Variants in NTRK2 observed in about 807,000 individuals in gnomAD.
NTRK2 encodes neurotrophic receptor tyrosine kinase 2.
Under a neutral mutation model 94.5 loss-of-function variants are expected in NTRK2, and 13 were observed. That is an observed-to-expected ratio of 0.14 (90% CI 0.09 to 0.22). The LOEUF is 0.22. Ranked by LOEUF, NTRK2 falls within the 10% of genes least tolerant of loss-of-function variation. The pLI is 1.00. For synonymous variants in NTRK2, 372 were observed against 407.4 expected (o/e 0.91, Z 1.05); for missense variants, 639 against 1,071.2 (o/e 0.60, Z 5.63).
intron 14 of NTRK2, among the ~76,000 whole-genome samples, chr9:84,926,161 C>CCTTCCTTCCTTCCTTT (rs2077783516): frequency 1.6e-5 from 1 of 63,780 alleles, no homozygotes; most frequent in African/African-American, 5.7e-5. Context: ...TTCCTTCCTT[C>CCTTCCTTCCTTCCTTT]CTTCCTTCCT....
intron 12 of NTRK2, among the ~76,000 whole-genome samples, chr9:84,846,985 C>A (rs1041244973): frequency 1.3e-5 from 2 of 152,226 alleles, no homozygotes; most frequent in Admixed American, 6.5e-5. Flanking sequence ...ACAACAGACA[C>A]AAACAGGCAG....
chr9:84,921,756 C>T (rs1393147868), intron 14 of NTRK2, among the ~76,000 whole-genome samples: 2 of 152,174 alleles, frequency 1.3e-5, no homozygotes, highest in Non-Finnish European at 2.9e-5. Flanking sequence ...ATAGTGCAAG[C>T]TAAATCCTCC....
intron 12 of NTRK2, chr9:84,813,016 A>G: frequency 9.7e-7 from 1 of 1,036,010 alleles, no homozygotes; most frequent in Non-Finnish European, 1.2e-6. Flanking sequence ...ACTCTAGACC[A>G]CCCCTTTTCA....
At chr9:84,739,097 C>A (rs144614306) in intron 9 of NTRK2, among the ~76,000 whole-genome samples, 1 of 152,116 alleles carries the variant, frequency 6.6e-6, no homozygotes. Flanking sequence ...GTTGCCCAGG[C>A]TGGAGTGCAG....
chr9:85,018,310 A>G (rs1832454166), intron 17 of NTRK2, among the ~76,000 whole-genome samples: 1 of 152,240 alleles, frequency 6.6e-6, no homozygotes, highest in African/African-American at 2.4e-5. Flanking sequence ...GGCTTCAGAG[A>G]ATGGCAAGGA....
At chr9:84,942,411 T>G (rs533728812) in intron 15 of NTRK2, among the ~76,000 whole-genome samples, 1 of 152,338 alleles carries the variant, frequency 6.6e-6, no homozygotes, top group Non-Finnish European at 1.5e-5. Flanking sequence ...GGTTAATCAT[T>G]GCCTGTAACA....
intron 2 of NTRK2, among the ~76,000 whole-genome samples, chr9:84,683,137 A>G (rs557596443): frequency 6.6e-6 from 1 of 152,172 alleles, no homozygotes; most frequent in Admixed American, 6.5e-5. Context: ...TTGCAGGAAA[A>G]TTGCAAGATA....
At chr9:84,909,566 C>T (rs1396333806) in intron 14 of NTRK2, among the ~76,000 whole-genome samples, 1 of 151,924 alleles carries the variant, frequency 6.6e-6, no homozygotes, top group Non-Finnish European at 1.5e-5. Flanking sequence ...ATGAGTGATC[C>T]TGTTTCTCCA....
intron 14 of NTRK2, among the ~76,000 whole-genome samples, chr9:84,926,131 T>A (rs951603964): frequency 1.9e-5 from 1 of 53,090 alleles, no homozygotes; most frequent in African/African-American, 5.6e-5. Flanking sequence ...CCTTCCTTCC[T>A]TCCTTCCTTC....
chr9:84,765,268 G>A (rs1357134679), intron 12 of NTRK2, among the ~76,000 whole-genome samples: 1 of 152,128 alleles, frequency 6.6e-6, no homozygotes, highest in Non-Finnish European at 1.5e-5. Context: ...TCTTCATGAT[G>A]TGCTTATTTC....
intron 12 of NTRK2, among the ~76,000 whole-genome samples, chr9:84,820,576 C>T (rs781719779): frequency 3.3e-5 from 5 of 152,102 alleles, no homozygotes; most frequent in African/African-American, 9.7e-5. Flanking sequence ...TTTAACTTTT[C>T]GTTAATTTTT....
chr9:84,885,487 G>T (rs1316630994), intron 14 of NTRK2, among the ~76,000 whole-genome samples: 1 of 152,140 alleles, frequency 6.6e-6, no homozygotes, highest in Non-Finnish European at 1.5e-5. Context: ...CACATAAAAT[G>T]AATGTGTAGC....
intron 12 of NTRK2, chr9:84,814,420 A>G (rs1391533334): frequency 9.4e-6 from 10 of 1,065,646 alleles, no homozygotes; most frequent in Non-Finnish European, 1.1e-5. Context: ...TTTTCTCTTT[A>G]TTTCTTTAGA....
intron 12 of NTRK2, among the ~76,000 whole-genome samples, chr9:84,787,482 A>T (rs2068243770): frequency 6.6e-6 from 1 of 152,198 alleles, no homozygotes; most frequent in African/African-American, 2.4e-5. Flanking sequence ...TTAGGATGAC[A>T]TGAACTGATC....
intron 12 of NTRK2, among the ~76,000 whole-genome samples, chr9:84,834,267 T>A (rs964453270): frequency 4.3e-4 from 66 of 152,230 alleles, no homozygotes; most frequent in African/African-American, 1.5e-3. Context: ...TAAAAAATTA[T>A]TTCTTCTTTG....
At chr9:84,942,084 A>G (rs1207018706) in intron 15 of NTRK2, among the ~76,000 whole-genome samples, 1 of 152,070 alleles carries the variant, frequency 6.6e-6, no homozygotes, top group African/African-American at 2.4e-5. Context: ...CTGAGTTGAT[A>G]TACATAGAGT....
chr9:84,811,303 A>G, intron 12 of NTRK2: 1 of 1,066,018 alleles, frequency 9.4e-7, no homozygotes, highest in Non-Finnish European at 1.1e-6. Context: ...AAACAAACAA[A>G]TGAAAAACGT....
At chr9:84,808,011 A>G (rs2071319737) in intron 12 of NTRK2, among the ~76,000 whole-genome samples, 1 of 152,312 alleles carries the variant, frequency 6.6e-6, no homozygotes, top group Admixed American at 6.5e-5. Flanking sequence ...AAAATGCCGT[A>G]TGTGTTTTTA....
intron 4 of NTRK2, among the ~76,000 whole-genome samples, chr9:84,704,529 G>A (rs1229434877): frequency 6.6e-6 from 1 of 151,852 alleles, no homozygotes; most frequent in Non-Finnish European, 1.5e-5. Flanking sequence ...CCTGGCCGGT[G>A]GTATTCTTTG....
Sources: gnomAD v4.1 joint callset for allele counts (sites outside exome capture counted in the v4.1 genomes callset) on GRCh38, gnomAD v4.1.1 for gene constraint, MANE v1.5 for transcripts, NCBI Gene and HGNC (gene_info 2026-07-23, HGNC 2026-07-21) for gene names.